GRID1: variants seen among roughly 807,000 people sequenced by gnomAD.
The protein encoded by GRID1 is glutamate receptor ionotropic, delta-1.
A neutral mutation model predicts 98.0 loss-of-function variants in GRID1; 28 were observed. The observed-to-expected ratio is 0.29, with a 90% CI of 0.21 to 0.39. The LOEUF is 0.39. Ranked by LOEUF, GRID1 falls within the 10% of genes least tolerant of loss-of-function variation. The pLI, the probability that GRID1 is intolerant of heterozygous loss-of-function variation, is 1.00. For missense variants in GRID1, 1,111 were observed against 1,340.5 expected (o/e 0.83, Z 2.67); for synonymous variants, 553 against 538.5 (o/e 1.03, Z -0.37).
chr10:85,803,954 A>G (rs1451767643), intron 8 of GRID1, among the ~76,000 whole-genome samples: 1 of 151,990 alleles, frequency 6.6e-6, no homozygotes, highest in Non-Finnish European at 1.5e-5. Flanking sequence ...AGAGAAAGGT[A>G]TACAGTCACT....
At chr10:86,100,886 C>T (rs569296422) in intron 4 of GRID1, among the ~76,000 whole-genome samples, 1 of 152,168 alleles carries the variant, frequency 6.6e-6, no homozygotes, top group African/African-American at 2.4e-5. Flanking sequence ...CAGAGCCCAC[C>T]AAGCCCAGCC....
chr10:85,743,643 C>G (rs1378032207), intron 8 of GRID1, among the ~76,000 whole-genome samples: 1 of 152,086 alleles, frequency 6.6e-6, no homozygotes, highest in Non-Finnish European at 1.5e-5. Context: ...GAAAAAGAAG[C>G]TACTTTTGTT....
intron 8 of GRID1, among the ~76,000 whole-genome samples, chr10:85,823,722 G>A (rs542302790): frequency 3.3e-5 from 5 of 151,790 alleles, no homozygotes; most frequent in African/African-American, 4.8e-5. Context: ...AAACAGTCAG[G>A]GGAAAAAATG....
At chr10:85,924,089 C>T (rs1010266650) in intron 4 of GRID1, among the ~76,000 whole-genome samples, 2 of 152,146 alleles carry the variant, frequency 1.3e-5, no homozygotes, top group African/African-American at 2.4e-5. Flanking sequence ...AGACAGTGAA[C>T]TTCAAAATGT....
intron 4 of GRID1, among the ~76,000 whole-genome samples, chr10:86,028,511 G>A (rs1843145231): frequency 6.6e-6 from 1 of 152,176 alleles, no homozygotes; most frequent in South Asian, 2.1e-4. Context: ...GAATGCTCTA[G>A]AAATGATGAG....
chr10:86,167,467 C>T (rs1845416917), intron 3 of GRID1, among the ~76,000 whole-genome samples: 1 of 152,232 alleles, frequency 6.6e-6, no homozygotes, highest in Admixed American at 6.5e-5. Flanking sequence ...CACAGACACC[C>T]TGCCCCTGGC....
intron 13 of GRID1, among the ~76,000 whole-genome samples, chr10:85,622,458 C>T (rs1564680302): frequency 6.6e-6 from 1 of 152,036 alleles, no homozygotes; most frequent in Non-Finnish European, 1.5e-5. Flanking sequence ...CCAGGCTGAA[C>T]TTGAACTCCT....
intron 4 of GRID1, among the ~76,000 whole-genome samples, chr10:85,960,962 C>T (rs1842257899): frequency 6.6e-6 from 1 of 152,134 alleles, no homozygotes; most frequent in Middle Eastern, 3.4e-3. Flanking sequence ...TGAGGACTCA[C>T]AGAGAGAGGC....
chr10:86,067,263 C>T (rs938008795), intron 4 of GRID1, among the ~76,000 whole-genome samples: 2 of 152,178 alleles, frequency 1.3e-5, no homozygotes, highest in African/African-American at 2.4e-5. Context: ...TCTGCATGCA[C>T]GCTGGAGGGT....
chr10:85,658,019 T>C (rs1840922366), intron 12 of GRID1, among the ~76,000 whole-genome samples: 1 of 152,194 alleles, frequency 6.6e-6, no homozygotes, highest in Non-Finnish European at 1.5e-5. Context: ...ACCATTAACC[T>C]TTAATATATC....
At chr10:86,236,978 C>T (rs78997747) in intron 2 of GRID1, among the ~76,000 whole-genome samples, 7,809 of 152,142 alleles carry the variant, frequency 0.051, 667 homozygotes, top group African/African-American at 0.18. Flanking sequence ...GAGATACACT[C>T]AGGAAGAACT....
chr10:86,030,917 C>A (rs945268484), intron 4 of GRID1, among the ~76,000 whole-genome samples: 1 of 152,154 alleles, frequency 6.6e-6, no homozygotes, highest in African/African-American at 2.4e-5. Flanking sequence ...TCTTCCTTCT[C>A]TTTGCCAGCC....
At chr10:86,141,415 A>G (rs964241134) in intron 3 of GRID1, among the ~76,000 whole-genome samples, 1 of 152,132 alleles carries the variant, frequency 6.6e-6, no homozygotes, top group Non-Finnish European at 1.5e-5. Context: ...AGGAGCCCCA[A>G]CCAGAAACAC....
intron 8 of GRID1, among the ~76,000 whole-genome samples, chr10:85,750,515 T>G (rs1175006710): frequency 6.6e-6 from 1 of 152,234 alleles, no homozygotes; most frequent in Non-Finnish European, 1.5e-5. Context: ...CATGGAAATA[T>G]GTCCAATCTA....
At chr10:85,792,572 G>T (rs889053015) in intron 8 of GRID1, among the ~76,000 whole-genome samples, 1 of 152,170 alleles carries the variant, frequency 6.6e-6, no homozygotes, top group Non-Finnish European at 1.5e-5. Flanking sequence ...GAGAGGTGCC[G>T]AAGGCCTCAG....
chr10:86,057,066 C>T (rs1300864706), intron 4 of GRID1, among the ~76,000 whole-genome samples: 4 of 152,212 alleles, frequency 2.6e-5, no homozygotes. Context: ...TTCCAACTAA[C>T]AAGACATGGT....
intron 2 of GRID1, among the ~76,000 whole-genome samples, chr10:86,274,626 C>A (rs1275367826): frequency 6.6e-6 from 1 of 152,012 alleles, no homozygotes. Flanking sequence ...AGGTCCTTCA[C>A]GTCCCTTGTA....
intron 4 of GRID1, among the ~76,000 whole-genome samples, chr10:85,921,353 G>T (rs55694622): frequency 6.6e-6 from 1 of 152,190 alleles, no homozygotes; most frequent in African/African-American, 2.4e-5. Flanking sequence ...CTGGGGAGCC[G>T]ACTGTGGAAG....
At chr10:85,773,360 C>T (rs905323026) in intron 8 of GRID1, among the ~76,000 whole-genome samples, 2 of 152,156 alleles carry the variant, frequency 1.3e-5, no homozygotes, top group African/African-American at 4.8e-5. Context: ...AGCCCACAGC[C>T]AATATCATAC....
Sources: gnomAD v4.1 joint callset for allele counts (sites outside exome capture counted in the v4.1 genomes callset) on GRCh38, gnomAD v4.1.1 for gene constraint, MANE v1.5 for transcripts, NCBI Gene and HGNC (gene_info 2026-07-23, HGNC 2026-07-21) for gene names.